SORCS3: variants seen among roughly 807,000 people sequenced by gnomAD.
SORCS3 encodes VPS10 domain-containing receptor SorCS3.
Under a neutral mutation model 146.3 loss-of-function variants are expected in SORCS3, and 57 were observed. The observed-to-expected ratio is 0.39, with a 90% CI of 0.31 to 0.49. The LOEUF is 0.49. SORCS3 is among the 20% of genes least tolerant of loss of function. SORCS3 has a pLI of 0.92. For missense variants in SORCS3, 1,341 were observed against 1,575.5 expected (o/e 0.85, Z 2.52); for synonymous variants, 653 against 618.5 (o/e 1.06, Z -0.83).
At chr10:104,670,493 A>G (rs1006739364) in intron 1 of SORCS3, among the ~76,000 whole-genome samples, 3 of 152,090 alleles carry the variant, frequency 2.0e-5, no homozygotes, top group African/African-American at 7.2e-5. Context: ...AAATCATTTG[A>G]CCATTTATAT....
intron 12 of SORCS3, among the ~76,000 whole-genome samples, chr10:105,166,358 G>A (rs1339439334): frequency 1.3e-5 from 2 of 152,140 alleles, no homozygotes; most frequent in African/African-American, 2.4e-5. Flanking sequence ...GTTAAGTGCT[G>A]TAGGAATTCT....
At chr10:104,894,576 C>G (rs2018780494) in intron 2 of SORCS3, among the ~76,000 whole-genome samples, 1 of 152,132 alleles carries the variant, frequency 6.6e-6, no homozygotes, top group African/African-American at 2.4e-5. Context: ...TCCCAGGCAG[C>G]CTGGCAGGCA....
At chr10:105,187,986 T>C (rs562248798) in intron 14 of SORCS3, among the ~76,000 whole-genome samples, 2 of 152,138 alleles carry the variant, frequency 1.3e-5, no homozygotes, top group South Asian at 2.1e-4. Context: ...TAAATGGTGG[T>C]GGTGGTGCTG....
intron 17 of SORCS3, among the ~76,000 whole-genome samples, chr10:105,214,201 AG>A (rs1466994350): frequency 6.6e-6 from 1 of 152,164 alleles, no homozygotes; most frequent in Admixed American, 6.5e-5. Flanking sequence ...CTCACCAGGT[AG>A]GATCAATAAT....
chr10:105,203,213 A>G (rs1304685186), intron 16 of SORCS3, among the ~76,000 whole-genome samples: 4 of 152,196 alleles, frequency 2.6e-5, no homozygotes, highest in Non-Finnish European at 4.4e-5. Flanking sequence ...AATTCATGAA[A>G]ATGAGATATA....
intron 14 of SORCS3, among the ~76,000 whole-genome samples, chr10:105,185,764 A>C (rs905826344): frequency 6.6e-6 from 1 of 152,178 alleles, no homozygotes. Flanking sequence ...ATTATTGTCC[A>C]TCTCAGACTT....
chr10:105,198,569 T>C (rs2056556878), intron 14 of SORCS3, among the ~76,000 whole-genome samples: 1 of 152,178 alleles, frequency 6.6e-6, no homozygotes, highest in Non-Finnish European at 1.5e-5. Context: ...GTGGATGACC[T>C]GGCATTGATG....
At chr10:104,761,314 G>C (rs2017119647) in intron 1 of SORCS3, among the ~76,000 whole-genome samples, 1 of 152,158 alleles carries the variant, frequency 6.6e-6, no homozygotes. Flanking sequence ...AAATATTCAT[G>C]GGTATTTTTC....
At chr10:104,659,608 C>A (rs1467171869) in intron 1 of SORCS3, among the ~76,000 whole-genome samples, 1 of 152,130 alleles carries the variant, frequency 6.6e-6, no homozygotes, top group African/African-American at 2.4e-5. Flanking sequence ...TAGCTCCACC[C>A]CTGACTAGGT....
chr10:104,964,970 T>A (rs965368255), intron 3 of SORCS3, among the ~76,000 whole-genome samples: 1 of 152,208 alleles, frequency 6.6e-6, no homozygotes, highest in Non-Finnish European at 1.5e-5. Context: ...ATATAGTATT[T>A]TTTTCTTTAT....
At chr10:105,110,732 A>C (rs1019360282) in intron 7 of SORCS3, among the ~76,000 whole-genome samples, 19 of 152,116 alleles carry the variant, frequency 1.2e-4, no homozygotes, top group African/African-American at 4.1e-4. Flanking sequence ...TAGAGTTTGC[A>C]TTTCCCTTTC....
intron 20 of SORCS3, among the ~76,000 whole-genome samples, chr10:105,241,755 T>A (rs1205932175): frequency 6.6e-6 from 1 of 152,094 alleles, no homozygotes; most frequent in East Asian, 1.9e-4. Flanking sequence ...AGTCAGGCCG[T>A]CGTCTTCTCT....
At chr10:104,942,651 T>A (rs1420099070) in intron 3 of SORCS3, among the ~76,000 whole-genome samples, 1 of 152,212 alleles carries the variant, frequency 6.6e-6, no homozygotes, top group African/African-American at 2.4e-5. Flanking sequence ...AAAAATCAAA[T>A]GTAATTTGCC....
At chr10:104,667,468 T>C (rs2133254260) in intron 1 of SORCS3, among the ~76,000 whole-genome samples, 1 of 152,348 alleles carries the variant, frequency 6.6e-6, no homozygotes, top group Middle Eastern at 3.4e-3. Context: ...CCCTGTTTTA[T>C]ATCTTGGTTT....
chr10:104,784,416 C>T (rs1480058285), intron 1 of SORCS3, among the ~76,000 whole-genome samples: 1 of 152,190 alleles, frequency 6.6e-6, no homozygotes, highest in African/African-American at 2.4e-5. Flanking sequence ...AGAAACTGTT[C>T]TAGAAATAGG....
chr10:105,049,050 C>T (rs1470697943), intron 5 of SORCS3, among the ~76,000 whole-genome samples: 2 of 152,022 alleles, frequency 1.3e-5, no homozygotes, highest in African/African-American at 2.4e-5. Flanking sequence ...ATGCATAGGT[C>T]TTTAACATCA....
chr10:105,150,328 A>G (rs558848390), intron 9 of SORCS3, among the ~76,000 whole-genome samples: 2 of 152,190 alleles, frequency 1.3e-5, no homozygotes, highest in Non-Finnish European at 2.9e-5. Flanking sequence ...CCAGACAGAA[A>G]TGATAAATCA....
At chr10:104,642,022 G>GGGGGGGCCCCCCC in intron 1 of SORCS3, 68 bp downstream of exon 1, 15 of 173,326 alleles carry the variant, frequency 8.7e-5, no homozygotes, top group East Asian at 4.5e-4. Flanking sequence ...GGGTGGGTGG[G>GGGGGGGCCCCCCC]AGCGAGGGAC....
chr10:104,656,082 A>T (rs1487322784), intron 1 of SORCS3, among the ~76,000 whole-genome samples: 9 of 152,184 alleles, frequency 5.9e-5, no homozygotes, highest in Admixed American at 5.9e-4. Context: ...GCTCTGATTG[A>T]GAGGTACATG....
Sources: gnomAD v4.1 joint callset for allele counts (sites outside exome capture counted in the v4.1 genomes callset) on GRCh38, gnomAD v4.1.1 for gene constraint, MANE v1.5 for transcripts, NCBI Gene and HGNC (gene_info 2026-07-23, HGNC 2026-07-21) for gene names.